Variants in MYH16 observed in about 807,000 individuals in gnomAD.
MYH16 encodes the protein putative uncharacterized protein MYH16.
chr7:99,267,305 T>C (rs546693109), intron 18 of MYH16, among the ~76,000 whole-genome samples: 26 of 152,334 alleles, frequency 1.7e-4, no homozygotes, highest in Middle Eastern at 3.4e-3. Context: ...CACAGCTCAC[T>C]ACAACCTGGA....
chr7:99,292,193 A>G (rs2150828628), intron 31 of MYH16, 119 bp from the exon 13 acceptor site: 1 of 353,198 alleles, frequency 2.8e-6, no homozygotes, highest in Non-Finnish European at 5.7e-6. Context: ...TTGTGGGATC[A>G]TGTTTCTTTT....
exon 40 of MYH16, chr7:99,304,670 A>C (rs1032588661): frequency 6.5e-6 from 1 of 152,954 alleles, no homozygotes; most frequent in Non-Finnish European, 1.5e-5. Flanking sequence ...CGAGGTCACC[A>C]TCAAAGACCT....
chr7:99,269,961 C>T (rs1292753294), intron 18 of MYH16, among the ~76,000 whole-genome samples: 3 of 151,126 alleles, frequency 2.0e-5, no homozygotes, highest in Non-Finnish European at 4.4e-5. Flanking sequence ...GCAACCTCCG[C>T]CTCCCGGGTT....
chr7:99,252,524 G>A (rs1331503316), intron 6 of MYH16: 1 of 152,206 alleles, frequency 6.6e-6, no homozygotes, highest in African/African-American at 2.4e-5. Flanking sequence ...GGCATGGGAG[G>A]TCCTCCAAAT....
chr7:99,242,770 C>T (rs1335967206), intron 1 of MYH16, among the ~76,000 whole-genome samples: 1 of 152,212 alleles, frequency 6.6e-6, no homozygotes, highest in African/African-American at 2.4e-5. Flanking sequence ...CCACCCTTCT[C>T]ATTACTGCAC....
chr7:99,260,215 C>T, exon 12 of MYH16: 1 of 1,610,786 alleles, frequency 6.2e-7, no homozygotes, highest in Non-Finnish European at 8.5e-7. Flanking sequence ...GAAGCTGCAG[C>T]AGTTCTTCAA....
At chr7:99,292,942 A>G (rs980426751) in intron 32 of MYH16, among the ~76,000 whole-genome samples, 1 of 144,230 alleles carries the variant, frequency 6.9e-6, no homozygotes, top group Non-Finnish European at 1.5e-5. Context: ...CCTGGATAAC[A>G]GAGCAGGATC....
chr7:99,296,264 GGAGTTAT>G (rs1254250170), intron 33 of MYH16, among the ~76,000 whole-genome samples: 1 of 152,050 alleles, frequency 6.6e-6, no homozygotes. Context: ...TAGTTGCCAG[GGAGTTAT>G]GAGACGGATG....
intron 29 of MYH16, 111 bp from the exon 11 acceptor site, chr7:99,289,176 G>A (rs1450305350): frequency 1.4e-5 from 3 of 211,068 alleles, no homozygotes; most frequent in Non-Finnish European, 3.0e-5. Context: ...CCTCCAGGCA[G>A]GTAGCCTGGG....
intron 37 of MYH16, among the ~76,000 whole-genome samples, chr7:99,301,037 A>C (rs1792585782): frequency 6.6e-6 from 1 of 151,976 alleles, no homozygotes; most frequent in East Asian, 1.9e-4. Flanking sequence ...TCTACTAAAA[A>C]TATAAAAATT....
chr7:99,272,776 T>G (rs1257282131), intron 19 of MYH16, among the ~76,000 whole-genome samples, 63 bp from the exon 1 acceptor site: 1 of 151,090 alleles, frequency 6.6e-6, no homozygotes, highest in Non-Finnish European at 1.5e-5. Flanking sequence ...CCATCCCAGA[T>G]GACCTGTGAT....
At chr7:99,291,521 G>A in intron 31 of MYH16, 71 bp downstream of exon 12, 1 of 421,794 alleles carries the variant, frequency 2.4e-6, no homozygotes, top group Non-Finnish European at 4.8e-6. Flanking sequence ...AGCTGGGGTT[G>A]GTGGCTCATG....
chr7:99,282,454 G>A (rs1792211872), intron 23 of MYH16, among the ~76,000 whole-genome samples: 1 of 151,414 alleles, frequency 6.6e-6, no homozygotes, highest in African/African-American at 2.4e-5. Flanking sequence ...CATGCCTCTG[G>A]TCATAACATT....
intron 6 of MYH16, chr7:99,252,688 C>T (rs1304220665): frequency 6.6e-6 from 1 of 152,628 alleles, no homozygotes; most frequent in Non-Finnish European, 1.5e-5. Flanking sequence ...ATCCGATACT[C>T]CAATAGAGCC....
At chr7:99,249,574 T>G (rs1451261595) in intron 4 of MYH16, among the ~76,000 whole-genome samples, 11 of 112,046 alleles carry the variant, frequency 9.8e-5, no homozygotes, top group South Asian at 3.3e-4. Flanking sequence ...AAAGTGCTGT[T>G]TTTTTTTTTT....
chr7:99,259,852 T>C (rs1726457034), intron 11 of MYH16, among the ~76,000 whole-genome samples: 1 of 148,746 alleles, frequency 6.7e-6, no homozygotes, highest in Non-Finnish European at 1.5e-5. Context: ...TGTATGTGTA[T>C]ATATATATAT....
At chr7:99,293,376 A>G (rs552463134) in intron 32 of MYH16, among the ~76,000 whole-genome samples, 3 of 152,158 alleles carry the variant, frequency 2.0e-5, no homozygotes, top group Non-Finnish European at 2.9e-5. Flanking sequence ...CAATACTTTC[A>G]TCTAAAGCTC....
At chr7:99,275,304 A>T (rs1792096931) in intron 20 of MYH16, among the ~76,000 whole-genome samples, 1 of 152,004 alleles carries the variant, frequency 6.6e-6, no homozygotes, top group African/African-American at 2.4e-5. Flanking sequence ...GCTCATTTTT[A>T]AATTTTTTGT....
downstream of MYH16, among the ~76,000 whole-genome samples, chr7:99,310,352 A>G (rs1294159658): frequency 6.6e-6 from 1 of 152,144 alleles, no homozygotes; most frequent in African/African-American, 2.4e-5. Flanking sequence ...TAATTTTAAA[A>G]ATCCATTTGT....
Sources: gnomAD v4.1 joint callset for allele counts (sites outside exome capture counted in the v4.1 genomes callset) on GRCh38, gnomAD v4.1.1 for gene constraint, MANE v1.5 for transcripts, NCBI Gene and HGNC (gene_info 2026-07-23, HGNC 2026-07-21) for gene names.